CEP350: variants seen among roughly 807,000 people sequenced by gnomAD.
CEP350 encodes the protein centrosome-associated protein 350.
In CEP350, 126 loss-of-function variants were observed where a neutral mutation model predicts 331.8. The ratio of observed to expected loss-of-function variants is 0.38; its 90% CI spans 0.33 to 0.44. The LOEUF (loss-of-function observed/expected upper bound fraction) is 0.44, where lower values mean the gene tolerates loss of function less well. Among genes scored for constraint, CEP350 ranks in the 20% least tolerant of loss-of-function variants. CEP350 has a pLI of 1.00. For missense variants in CEP350, 3,406 were observed against 3,634.6 expected (o/e 0.94, Z 1.62); for synonymous variants, 1,200 against 1,259.5 (o/e 0.95, Z 1.00).
chr1:179,994,791 A>T (rs1653355465), intron 5 of CEP350, among the ~76,000 whole-genome samples: 1 of 152,068 alleles, frequency 6.6e-6, no homozygotes, highest in South Asian at 2.1e-4. Context: ...TCAGAACAGG[A>T]TCTAAAGTTT....
rs546756597 is a variant in CEP350 at position 179,987,934 on chromosome 1, C to CAAT, written c.120+667_120+669dup. Among the ~76,000 whole-genome samples the CAAT allele has an allele frequency of 3.4e-3, 514 of 151,516 alleles. 1 individual carries two copies. Among genetic ancestry groups the CAAT allele is most frequent in the South Asian group, 4.4e-3 (21 of 4,800 alleles). On this transcript the variant is annotated intron_variant, in intron 3 of 37. Transcript: ENST00000367607. ...TGAATGACAGAGCAAGACCCTGTCT[C>CAAT]AATAATAATAATAATAATAATTTGT...
In CEP350 at chr1:180,095,507, GGT is replaced by G. The variant is rs755855101; in HGVS notation, c.8512-15_8512-14del. The G allele has an allele frequency of 8.7e-6, 14 of 1,604,166 alleles. No individual in the cohort carries two copies. The highest frequency in any genetic ancestry group is 5.1e-5 in the Admixed American group (3 of 58,356). On this transcript the variant is annotated splice_polypyrimidine_tract_variant and intron_variant, in intron 34 of 37. Coordinates refer to ENST00000367607, the MANE Select transcript of CEP350 (RefSeq NM_014810.5). ...TCCCTAAATGGTGCTCTGTTTGAAT[GGT>G]TCCATTTCTATAGGAGAGCCCAGTA...
intron 1 of CEP350, among the ~76,000 whole-genome samples, chr1:179,975,232 G>T (rs576482396): frequency 6.6e-6 from 1 of 152,140 alleles, no homozygotes; most frequent in South Asian, 2.1e-4. Flanking sequence ...CGACAGGAAA[G>T]TAGTTATACA....
intron 11 of CEP350, among the ~76,000 whole-genome samples, chr1:180,016,648 A>G (rs1654993367): frequency 1.4e-5 from 2 of 141,010 alleles, no homozygotes; most frequent in African/African-American, 5.2e-5. Flanking sequence ...TCACTATCCA[A>G]TTTTGGGTTA....
chr1:180,014,248 T>C lies in CEP350; in HGVS notation c.1795T>C (p.Tyr599His), dbSNP rs1323112160. The stretch of plus-strand genomic sequence containing the variant: ...CTATGACACAGATGAGGTACGACAG[T>C]ACATTGTTAGGCAGCAGGAGGAAAG... ...RHYDTDEVRQ[Y>H]IVRQQEERKR... The change falls in exon 10 of 38, where the codon TAC (tyrosine) becomes CAC (histidine). Residue 599 changes from tyrosine to histidine, a missense_variant. Physicochemically the swap from Tyr to His is moderately conservative, Grantham distance 83 (BLOSUM62 2). Coordinates refer to ENST00000367607, the MANE Select transcript of CEP350 (RefSeq NM_014810.5). The C allele has an allele frequency of 2.2e-5, 36 of 1,609,354 alleles. No homozygotes were observed. The highest frequency in any genetic ancestry group is 3.0e-5 in the Non-Finnish European group (35 of 1,177,968).
intron 37 of CEP350, among the ~76,000 whole-genome samples, chr1:180,105,777 A>G (rs1463357885): frequency 1.3e-5 from 2 of 152,226 alleles, no homozygotes; most frequent in Non-Finnish European, 2.9e-5. Flanking sequence ...AACATGATAA[A>G]CTATCTTACT....
chr1:179,974,656 T>C (rs1290263073), intron 1 of CEP350, among the ~76,000 whole-genome samples: 1 of 152,196 alleles, frequency 6.6e-6, no homozygotes, highest in Non-Finnish European at 1.5e-5. Context: ...TTATGTATGA[T>C]ATATGTATGT....
At chr1:180,061,859 A>G (rs1465146758) in intron 25 of CEP350, among the ~76,000 whole-genome samples, 3 of 152,210 alleles carry the variant, frequency 2.0e-5, no homozygotes, top group African/African-American at 4.8e-5. Context: ...AAGTTTAGCA[A>G]TAGAATAATA....
chr1:180,031,161 T>G (rs2148878355), intron 14 of CEP350, among the ~76,000 whole-genome samples, 159 bp from the exon 15 acceptor site: 1 of 152,250 alleles, frequency 6.6e-6, no homozygotes. Flanking sequence ...TGAACTGCTT[T>G]ATTTTAGATA....
chr1:180,030,314 T>TACATAA (rs1233968757), intron 14 of CEP350, among the ~76,000 whole-genome samples: 7 of 145,356 alleles, frequency 4.8e-5, no homozygotes, highest in Non-Finnish European at 1.1e-4. Context: ...TGTGTATATA[T>TACATAA]GTATATATAT....
chr1:180,092,231 A>G (rs749820964), intron 33 of CEP350, among the ~76,000 whole-genome samples: 2 of 152,228 alleles, frequency 1.3e-5, no homozygotes, highest in Non-Finnish European at 2.9e-5. Context: ...TTTTAGAAGT[A>G]TATATGGAAG....
chr1:180,078,683 A>C lies in CEP350; in HGVS notation c.5979+9A>C. ...CCTCTCCTAGTAAACATGTAAGTTA[A>C]TGTATATTTATATCTTAAAGATTCT... On this transcript the variant is annotated intron_variant, in intron 29 of 37. Coordinates refer to ENST00000367607, the MANE Select transcript of CEP350 (RefSeq NM_014810.5). 1 of 1,576,564 alleles carries C rather than the reference A, an allele frequency of 6.3e-7. No individual in the cohort carries two copies. Among genetic ancestry groups the C allele is most frequent in the Non-Finnish European group, 8.6e-7 (1 of 1,160,450 alleles).
At chr1:180,080,268 T>A (rs1490107729) in intron 29 of CEP350, among the ~76,000 whole-genome samples, 2 of 152,176 alleles carry the variant, frequency 1.3e-5, no homozygotes, top group African/African-American at 4.8e-5. Flanking sequence ...TTTTAAACCA[T>A]GCTCTTTTAT....
At position 179,976,590 on chromosome 1, in the gene CEP350, CT is replaced by C. The variant is rs550040347; in HGVS notation, c.-13-9577del. Among the ~76,000 whole-genome samples, 183 of 150,690 alleles carry C rather than the reference CT, an allele frequency of 1.2e-3. 1 individual carries two copies. Among genetic ancestry groups the C allele is most frequent in the African/African-American group, 4.3e-3 (177 of 40,990 alleles). ...AATGGCATGAACCTGGGAGGTGGAG[CT>C]TGCAGTGAGCCGAGATCGCGCCACT... On this transcript the variant is annotated intron_variant, in intron 1 of 37. Coordinates refer to ENST00000367607, the MANE Select transcript of CEP350 (RefSeq NM_014810.5).
rs111434157 is a variant in CEP350, at chr1:180,015,303, G to A, written c.2053-546G>A. 6.6e-5 allele frequency among the ~76,000 whole-genome samples: 10 copies of A among 151,798 alleles called. No homozygotes were observed. In the South Asian group the frequency reaches 1.5e-3, roughly 22 times the overall value. On this transcript the variant is annotated intron_variant, in intron 10 of 37. Coordinates refer to ENST00000367607, the MANE Select transcript of CEP350 (RefSeq NM_014810.5). Reference sequence around the variant, plus strand: ...GGCTGGAGTGCAGTGGCGCGATCTCGGCTCACTGCAGGCTCCGCCCCCCGG... The same window carrying A: ...GGCTGGAGTGCAGTGGCGCGATCTCAGCTCACTGCAGGCTCCGCCCCCCGG...
chr1:180,046,198 C>T (rs760231396), intron 21 of CEP350, among the ~76,000 whole-genome samples: 2 of 152,212 alleles, frequency 1.3e-5, no homozygotes, highest in African/African-American at 2.4e-5. Context: ...GCTTCGTTTT[C>T]ATCACCCCAG....
chr1:180,067,410 C>T (rs771476635), intron 27 of CEP350, among the ~76,000 whole-genome samples: 1 of 152,112 alleles, frequency 6.6e-6, no homozygotes, highest in African/African-American at 2.4e-5. Context: ...AGGATGAGGC[C>T]GGGCCTGGTG....
chr1:180,014,415 T>C lies in CEP350; in HGVS notation c.1962T>C (p.Thr654=), dbSNP rs1654842214. The change falls in exon 10 of 38, where the codon ACT becomes ACC. Residue 654 remains threonine, a synonymous_variant. Coordinates refer to ENST00000367607, the MANE Select transcript of CEP350 (RefSeq NM_014810.5). ...KNVPPSEPSA[T]RRLQETYSKL... is the part of the protein sequence containing the mutation. ...TCCCTCCTTCTGAGCCATCAGCAAC[T>C]AGGCGACTACAGGAAACTTACTCCA... 1 of 1,607,340 alleles carries C rather than the reference T, an allele frequency of 6.2e-7. No individual in the cohort carries two copies. The highest frequency in any genetic ancestry group is 1.1e-5 in the South Asian group (1 of 89,372).
At chr1:180,090,288 T>A (rs1049738602) in intron 32 of CEP350, among the ~76,000 whole-genome samples, 1 of 151,942 alleles carries the variant, frequency 6.6e-6, no homozygotes, top group Non-Finnish European at 1.5e-5. Context: ...GGCTCACGCC[T>A]GTAATCCCAG....
Sources: allele counts gnomAD v4.1 joint callset (sites outside exome capture counted in the v4.1 genomes callset), GRCh38; gene constraint gnomAD v4.1.1; transcripts MANE v1.5; gene names NCBI Gene and HGNC (gene_info 2026-07-23, HGNC 2026-07-21).